CDH13: variants seen among roughly 807,000 people sequenced by gnomAD.
CDH13 encodes cadherin 13.
CDH13 carries 24 observed loss-of-function variants against 63.8 expected under a neutral mutation model. That is an observed-to-expected ratio of 0.38 (90% confidence interval 0.27 to 0.53). The LOEUF (loss-of-function observed/expected upper bound fraction) is 0.53. Ranked by LOEUF, CDH13 falls within the 20% of genes least tolerant of loss-of-function variation. The probability of loss-of-function intolerance (pLI) is 0.85; values close to 1 mark genes in which losing one functional copy is unlikely to be tolerated. For missense variants in CDH13, 1,049 were observed against 903.1 expected, an observed-to-expected ratio of 1.16 and a Z score of -2.07; for synonymous variants, 503 against 355.3, an observed-to-expected ratio of 1.42 and a Z score of -4.67.
At chr16:83,389,713 C>T (rs780586755) in intron 6 of CDH13, among the ~76,000 whole-genome samples, 3 of 152,196 alleles carry the variant, frequency 2.0e-5, no homozygotes, top group Non-Finnish European at 4.4e-5. Flanking sequence ...TTTTCCAAGA[C>T]TCCCCTCAAA....
chr16:83,047,257 T>TTTA lies in CDH13; in HGVS notation c.366+15041_366+15042insATT, dbSNP rs1917882909. ...TGTGTATTTATTTATTTATTTATTT[T>TTTA]TTTGGTAAAGGCCTCTGCTGTGAAT... On this transcript the variant is annotated intron_variant, in intron 3 of 13. Transcript: ENST00000567109. This position sits in a 1 kb window ranked among gnomAD's most constrained non-coding sequence, Gnocchi z 4.9. Among the ~76,000 whole-genome samples the TTTA allele has an allele frequency of 2.1e-5, 3 of 142,392 alleles. No individual in the cohort carries two copies. The highest frequency in any genetic ancestry group is 3.2e-5 in the Non-Finnish European group (2 of 62,462). The allele number at this position is 142,392 out of a possible 152,430, so 93.4% of individuals were successfully genotyped here. A position where few individuals can be genotyped will look rare whatever the true frequency, so the allele number is the denominator to read the frequency against.
At chr16:82,679,142 C>G (rs570689006) in intron 1 of CDH13, among the ~76,000 whole-genome samples, 1 of 152,186 alleles carries the variant, frequency 6.6e-6, no homozygotes, top group African/African-American at 2.4e-5. Context: ...CCTTTGCATT[C>G]CCAAACTTTG....
Position 83,645,508 on chromosome 16 carries a change from A to G in CDH13, c.1102-25282A>G, listed in dbSNP as rs544138781. 4.7e-5 allele frequency among the ~76,000 whole-genome samples: 7 copies of G among 149,226 alleles called. 1 individual carries two copies. The South Asian group carries it at 1.5e-3, about 32-fold the overall frequency. ...GAAGCCCAATCTTCACCAAGAGACA[A>G]TATACCCATATAACAAACATGCACA... On this transcript the variant is annotated intron_variant, in intron 8 of 13. Coordinates refer to ENST00000567109, the MANE Select transcript of CDH13 (RefSeq NM_001257.5).
At position 82,641,830 on chromosome 16, in the gene CDH13, C is replaced by G. The variant is rs139038057; in HGVS notation, c.45+14693C>G. 2.0e-3 allele frequency among the ~76,000 whole-genome samples: 310 copies of G among 152,234 alleles called. 1 individual carries two copies. The highest frequency in any genetic ancestry group is 7.2e-3 in the African/African-American group (297 of 41,522). ...GTCCCTGCTCTGGTGAGCTTATGTA[C>G]TGGCTGGGAGAGAGACAATAAAAAA... On this transcript the variant is annotated intron_variant, in intron 1 of 13. Transcript: ENST00000567109.
chr16:83,457,957 T>C (rs1043208179), intron 6 of CDH13, among the ~76,000 whole-genome samples: 1 of 152,212 alleles, frequency 6.6e-6, no homozygotes, highest in Non-Finnish European at 1.5e-5. Context: ...GCAGTGATGC[T>C]GGTAAAGCCT....
intron 1 of CDH13, among the ~76,000 whole-genome samples, chr16:82,750,052 C>G (rs896302257): frequency 1.3e-5 from 2 of 152,078 alleles, no homozygotes; most frequent in Non-Finnish European, 2.9e-5. Flanking sequence ...AGTCAACAGT[C>G]CATGGAGGAG....
chr16:83,775,342 G>A (rs1047471257), intron 11 of CDH13, among the ~76,000 whole-genome samples: 1 of 151,768 alleles, frequency 6.6e-6, no homozygotes, highest in Non-Finnish European at 1.5e-5. Flanking sequence ...ACCTTCAGCA[G>A]ATTCCCAATT....
At chr16:83,044,400 TGA>T (rs1439236694) in intron 3 of CDH13, among the ~76,000 whole-genome samples, 1 of 152,238 alleles carries the variant, frequency 6.6e-6, no homozygotes, top group East Asian at 1.9e-4. Flanking sequence ...AATCCAGAGC[TGA>T]GCAAAACTCC....
At chr16:82,640,342 T>G (rs1375493803) in intron 1 of CDH13, among the ~76,000 whole-genome samples, 1 of 152,210 alleles carries the variant, frequency 6.6e-6, no homozygotes, top group Non-Finnish European at 1.5e-5. Context: ...TGGTCAACTT[T>G]TGTCAACTCT....
At chr16:83,154,463 A>C (rs912425187) in intron 4 of CDH13, among the ~76,000 whole-genome samples, 1 of 151,808 alleles carries the variant, frequency 6.6e-6, no homozygotes, top group African/African-American at 2.4e-5. Flanking sequence ...GCTACTGTGG[A>C]GGCTGAGGCA....
intron 1 of CDH13, among the ~76,000 whole-genome samples, chr16:82,765,142 A>G (rs2035006728): frequency 1.3e-5 from 2 of 152,074 alleles, no homozygotes; most frequent in South Asian, 4.2e-4. Context: ...AGCTCCATGT[A>G]GTTTATGGAT....
chr16:82,903,424 A>C (rs559648105), intron 2 of CDH13, among the ~76,000 whole-genome samples: 1 of 152,312 alleles, frequency 6.6e-6, no homozygotes, highest in African/African-American at 2.4e-5. Context: ...ACTTGCTCAC[A>C]CATAAGTGGG....
chr16:83,288,624 A>G (rs1212559579), intron 5 of CDH13, among the ~76,000 whole-genome samples: 3 of 152,212 alleles, frequency 2.0e-5, no homozygotes, highest in Admixed American at 6.5e-5. Flanking sequence ...AGAGTTACCA[A>G]GAAGAAAGCT....
chr16:83,505,741 C>T (rs531457694), intron 7 of CDH13, among the ~76,000 whole-genome samples: 1 of 152,074 alleles, frequency 6.6e-6, no homozygotes, highest in East Asian at 1.9e-4. Context: ...CGGTGTTTCT[C>T]CATGTTGGTT....
intron 3 of CDH13, among the ~76,000 whole-genome samples, chr16:83,122,181 A>T (rs1315709239): frequency 1.3e-5 from 2 of 152,222 alleles, no homozygotes; most frequent in Non-Finnish European, 2.9e-5. Context: ...ATTATCTTTC[A>T]GTCCTCTGAT....
chr16:82,781,739 C>T (rs1447104534), intron 1 of CDH13, among the ~76,000 whole-genome samples: 1 of 152,218 alleles, frequency 6.6e-6, no homozygotes, highest in East Asian at 1.9e-4. Context: ...CACGTAACCA[C>T]TCATCCTTAA....
chr16:82,744,147 T>G (rs1441060444), intron 1 of CDH13, among the ~76,000 whole-genome samples: 2 of 152,162 alleles, frequency 1.3e-5, no homozygotes, highest in East Asian at 3.9e-4. Context: ...ACCCCCTAGT[T>G]CAGTTGACAG....
chr16:82,880,276 G>T (rs1000409635), intron 2 of CDH13, among the ~76,000 whole-genome samples: 5 of 151,996 alleles, frequency 3.3e-5, no homozygotes, highest in African/African-American at 1.2e-4. Context: ...CTGTAAACCG[G>T]CTTTCAGCAA....
chr16:82,768,001 G>A lies in CDH13; in HGVS notation c.46-90361G>A, dbSNP rs545125728. ...GGAGTGATGGGGAAAGAGCCAAGGGGACCATCCCTGAGTCATGGGCGTGCC... is the reference window on the plus strand; with the variant it reads ...GGAGTGATGGGGAAAGAGCCAAGGGAACCATCCCTGAGTCATGGGCGTGCC... On this transcript the variant is annotated intron_variant, in intron 1 of 13. Coordinates refer to ENST00000567109, the MANE Select transcript of CDH13 (RefSeq NM_001257.5). 2.0e-5 allele frequency among the ~76,000 whole-genome samples: 3 copies of A among 152,136 alleles called. No homozygotes were observed. The South Asian group carries it at 6.2e-4, about 32-fold the overall frequency.
Sources: gnomAD v4.1 joint callset for allele counts (sites outside exome capture counted in the v4.1 genomes callset) on GRCh38, gnomAD v4.1.1 for gene constraint, Gnocchi (gnomAD v3.1) non-coding constraint, MANE v1.5 for transcripts, NCBI Gene and HGNC (gene_info 2026-07-23, HGNC 2026-07-21) for gene names.